CAMLG: variants seen among roughly 807,000 people sequenced by gnomAD.
The protein encoded by CAMLG is guided entry of tail-anchored proteins factor CAMLG.
CAMLG carries 23 observed loss-of-function variants against 28.9 expected under a neutral mutation model. The observed-to-expected ratio is 0.80, with a 90% CI of 0.57 to 1.13. The LOEUF (loss-of-function observed/expected upper bound fraction) is 1.13. Ranked by LOEUF, CAMLG falls within the 50% of genes most tolerant of loss-of-function variation. The pLI, the probability that CAMLG is intolerant of heterozygous loss-of-function variation, is 0.00. For synonymous variants in CAMLG, 141 were observed against 146.5 expected (o/e 0.96, Z 0.27); for missense variants, 367 against 371.9 (o/e 0.99, Z 0.11).
intron 3 of CAMLG, among the ~76,000 whole-genome samples, chr5:134,746,905 T>C (rs1753055957): frequency 6.6e-6 from 1 of 152,144 alleles, no homozygotes; most frequent in South Asian, 2.1e-4. Context: ...CTGGCCAACA[T>C]GGTGAAACGC....
intron 1 of CAMLG, among the ~76,000 whole-genome samples, chr5:134,740,044 T>TA (rs1752964358): frequency 1.3e-5 from 2 of 151,794 alleles, no homozygotes; most frequent in African/African-American, 4.8e-5. Context: ...CCTGGCTAAT[T>TA]TAAAAAAAAA....
chr5:134,740,563 C>A (rs1752969791), intron 1 of CAMLG, among the ~76,000 whole-genome samples: 2 of 152,098 alleles, frequency 1.3e-5, no homozygotes, highest in African/African-American at 4.8e-5. Context: ...TTGGGTGATA[C>A]ATTTTGAGGG....
At chr5:134,743,961 T>C (rs373235844) in intron 2 of CAMLG, 26 bp from the exon 3 acceptor site, 63 of 1,074,676 alleles carry the variant, frequency 5.9e-5, no homozygotes, top group Non-Finnish European at 7.9e-5. Flanking sequence ...GTTGGAAATA[T>C]TTAATTTTAT....
chr5:134,738,849 A>G lies in CAMLG; in HGVS notation c.172+57A>G, dbSNP rs1752951055. The G allele has an allele frequency of 1.1e-4, 176 of 1,548,790 alleles. 9 individuals are homozygous for G. The South Asian group carries it at 2.0e-3, about 17-fold the overall frequency. On this transcript the variant is annotated intron_variant, in intron 1 of 3. Transcript: ENST00000297156. The stretch of plus-strand genomic sequence containing the variant: ...CCCATCACCTTGAATCTTCAGGGTC[A>G]TTCTTCCCTCTCCCACCTCCACTCC...
intron 2 of CAMLG, among the ~76,000 whole-genome samples, chr5:134,743,251 G>T (rs533817537): frequency 2.0e-5 from 3 of 152,186 alleles, no homozygotes; most frequent in Admixed American, 2.0e-4. Context: ...CCGCATCTGT[G>T]TTACTGTGTT....
chr5:134,743,024 C>T (rs1050639884), intron 2 of CAMLG, among the ~76,000 whole-genome samples: 2 of 152,206 alleles, frequency 1.3e-5, no homozygotes, highest in Admixed American at 6.5e-5. Context: ...AGGCATGAGC[C>T]GCCGCACCCA....
chr5:134,741,814 T>C (rs1391776618), intron 2 of CAMLG, among the ~76,000 whole-genome samples: 1 of 152,134 alleles, frequency 6.6e-6, no homozygotes, highest in Non-Finnish European at 1.5e-5. Context: ...GGCGTGGTGG[T>C]GCACGCCTGT....
In CAMLG at chr5:134,741,480, C is replaced by G. The variant is rs150821573; in HGVS notation, c.590C>G (p.Ala197Gly). The change falls in exon 2 of 4, where the codon GCT becomes GGT. Residue 197 changes from alanine to glycine, a missense_variant. Ala to Gly is a moderately conservative substitution (Grantham distance 60, BLOSUM62 0). Coordinates refer to ENST00000297156, the MANE Select transcript of CAMLG (RefSeq NM_001745.4). ...CGAATATTTAGATTGGTGGGATGTG[C>G]TCTTCTTGCTCTTGGAGTCAGAGCT... ...SFRIFRLVGC[A>G]LLALGVRAFV... 6.2e-7 allele frequency: 1 copy of G among 1,613,250 alleles called. No homozygotes were observed. The highest frequency in any genetic ancestry group is 1.1e-5 in the South Asian group (1 of 91,042).
At chr5:134,739,077 T>TC (rs140358861) in intron 1 of CAMLG, among the ~76,000 whole-genome samples, 1,979 of 152,214 alleles carry the variant, frequency 0.013, 39 homozygotes, top group African/African-American at 0.045. Flanking sequence ...GCCCCTTTTT[T>TC]CCTTAGCCAC....
chr5:134,741,018 C>A, intron 1 of CAMLG, 45 bp from the exon 2 acceptor site: 1 of 1,319,122 alleles, frequency 7.6e-7, no homozygotes, highest in Non-Finnish European at 1.1e-6. Context: ...AAGGTGTTTG[C>A]CAGTATGGAA....
chr5:134,744,734 G>A (rs924531956), intron 3 of CAMLG, among the ~76,000 whole-genome samples: 15 of 152,168 alleles, frequency 9.9e-5, no homozygotes, highest in African/African-American at 3.1e-4. Context: ...ATTAAAAAAT[G>A]GATTTGATTA....
In CAMLG at chr5:134,738,558, C is replaced by A. The variant is rs985080818; in HGVS notation, c.-63C>A. 2.2e-6 allele frequency: 3 copies of A among 1,385,950 alleles called. No homozygotes were observed. Among genetic ancestry groups the A allele is most frequent in the African/African-American group, 1.5e-5 (1 of 68,752 alleles). The allele number at this position is 1,385,950 out of a possible 1,614,324, so 85.9% of individuals were successfully genotyped here. On this transcript the variant is annotated 5_prime_UTR_variant, in exon 1 of 4. Coordinates refer to ENST00000297156, the MANE Select transcript of CAMLG (RefSeq NM_001745.4). The stretch of plus-strand genomic sequence containing the variant: ...GCCCTGCGGCCCGGCCTCTAGTCAT[C>A]GCCCTCGCAGCGGCGGCCAACATCA...
At position 134,750,821 on chromosome 5, in the gene CAMLG, C is replaced by T. The variant is rs201652563; in HGVS notation, c.762C>T (p.Ala254=). Residue 254 remains alanine, a synonymous_variant, in exon 4 of 4, where the codon GCC becomes GCT. Coordinates refer to ENST00000297156, the MANE Select transcript of CAMLG (RefSeq NM_001745.4). The part of the protein sequence containing the change: ...TAALLLSGIP[A]EVINRSMDTY... ...CACTTCTATTGTCGGGAATTCCTGC[C>T]GAAGTGATAAATCGATCAATGGATA... 26 of 1,613,584 alleles carry T rather than the reference C, an allele frequency of 1.6e-5. No homozygotes were observed. The East Asian group carries it at 2.9e-4, about 18-fold the overall frequency.
chr5:134,739,261 C>G (rs1485787668), intron 1 of CAMLG, among the ~76,000 whole-genome samples: 4 of 152,188 alleles, frequency 2.6e-5, no homozygotes, highest in South Asian at 4.1e-4. Context: ...CCACATCAGC[C>G]TGTCTTTACT....
At chr5:134,744,853 G>A (rs1238728640) in intron 3 of CAMLG, among the ~76,000 whole-genome samples, 1 of 152,174 alleles carries the variant, frequency 6.6e-6, no homozygotes, top group Non-Finnish European at 1.5e-5. Flanking sequence ...ACAGAATGAT[G>A]TTGAGAGTCA....
In CAMLG at chr5:134,741,537, T is replaced by G. The variant is rs777237680; in HGVS notation, c.633+14T>G. ...TGCAAATACTTGGTAAGAAAAGATC[T>G]GTAAATTATTAACTAACTTAATGGA... On this transcript the variant is annotated intron_variant, in intron 2 of 3. Coordinates refer to ENST00000297156, the MANE Select transcript of CAMLG (RefSeq NM_001745.4). The G allele has an allele frequency of 3.3e-6, 5 of 1,506,168 alleles. No homozygotes were observed. The highest frequency in any genetic ancestry group is 4.6e-6 in the Non-Finnish European group (5 of 1,097,196). 93.3% of individuals were successfully genotyped at this position (1,506,168 alleles called of 1,614,324 possible). A position where few individuals can be genotyped will look rare whatever the true frequency, so the allele number is the denominator to read the frequency against.
Position 134,741,423 on chromosome 5 carries a change from A to G in CAMLG, c.533A>G (p.Asp178Gly), listed in dbSNP as rs1315794898. Residue 178 changes from aspartate to glycine, a missense_variant, in exon 2 of 4, where the codon GAT becomes GGT. Physicochemically the swap from Asp to Gly is moderately conservative, Grantham distance 94 (BLOSUM62 -1). Coordinates refer to ENST00000297156, the MANE Select transcript of CAMLG (RefSeq NM_001745.4). The part of the protein sequence containing the change: ...QLISEKPSQE[D>G]GNTTEEFDSF... ...ATTAGTGAAAAACCCAGTCAAGAGG[A>G]TGGAAATACAACAGAAGAATTTGAC... is the stretch of plus-strand genomic sequence containing the variant. 3.1e-6 allele frequency: 5 copies of G among 1,613,978 alleles called. No homozygotes were observed. Among genetic ancestry groups the G allele is most frequent in the East Asian group, 4.5e-5 (2 of 44,894 alleles).
intron 3 of CAMLG, 44 bp downstream of exon 3, chr5:134,744,096 G>A (rs765211458): frequency 1.2e-6 from 1 of 843,892 alleles, no homozygotes; most frequent in East Asian, 2.6e-5. Flanking sequence ...TGTTTGGATT[G>A]ATTTATGACT....
intron 3 of CAMLG, among the ~76,000 whole-genome samples, chr5:134,745,448 A>AG (rs1340417221): frequency 7.0e-6 from 1 of 141,920 alleles, no homozygotes; most frequent in Non-Finnish European, 1.5e-5. Flanking sequence ...AAAAAAAAAA[A>AG]AAAGAAAGAA....
Sources: gnomAD v4.1 joint callset for allele counts (sites outside exome capture counted in the v4.1 genomes callset) on GRCh38, gnomAD v4.1.1 for gene constraint, MANE v1.5 for transcripts, NCBI Gene and HGNC (gene_info 2026-07-23, HGNC 2026-07-21) for gene names.